PRKAR1B: variants seen among roughly 807,000 people sequenced by gnomAD.
The protein encoded by PRKAR1B is cAMP-dependent protein kinase type I-beta regulatory subunit.
Under a neutral mutation model 46.5 loss-of-function variants are expected in PRKAR1B, and 22 were observed. The ratio of observed to expected loss-of-function variants is 0.47; its 90% CI spans 0.34 to 0.68. PRKAR1B has a LOEUF of 0.68. Among genes scored for constraint, PRKAR1B ranks in the 30% least tolerant of loss-of-function variants. The probability of loss-of-function intolerance (pLI) is 0.01; values close to 1 mark genes in which losing one functional copy is unlikely to be tolerated. For synonymous variants in PRKAR1B, 259 were observed against 217.7 expected (o/e 1.19, Z -1.67); for missense variants, 445 against 535.6 (o/e 0.83, Z 1.67).
At chr7:625,089 A>G (rs888071481) in intron 4 of PRKAR1B, among the ~76,000 whole-genome samples, 2 of 152,272 alleles carry the variant, frequency 1.3e-5, no homozygotes, top group Admixed American at 1.3e-4. Context: ...GAATTAAACT[A>G]GAAGTCAGTA....
intron 2 of PRKAR1B, among the ~76,000 whole-genome samples, chr7:692,949 TC>T (rs201065172): frequency 1.2e-4 from 18 of 151,434 alleles, no homozygotes; most frequent in Non-Finnish European, 1.6e-4. Flanking sequence ...TTTTTTTTTT[TC>T]TTGAGATGGA....
At chr7:719,916 T>C (rs2128534454) in intron 1 of PRKAR1B, among the ~76,000 whole-genome samples, 1 of 152,328 alleles carries the variant, frequency 6.6e-6, no homozygotes, top group African/African-American at 2.4e-5. Context: ...TTTTAGAGGT[T>C]CGTCCAAGTT....
At chr7:701,214 A>G (rs1274091547) in intron 2 of PRKAR1B, among the ~76,000 whole-genome samples, 3 of 149,968 alleles carry the variant, frequency 2.0e-5, no homozygotes, top group African/African-American at 7.4e-5. Context: ...GGAAGGAAGG[A>G]GAGAAGGAGG....
rs551588034 is a variant in PRKAR1B, at chr7:598,695, G to C, written c.550-2391C>G. 2.0e-5 allele frequency among the ~76,000 whole-genome samples: 3 copies of C among 152,336 alleles called. No individual in the cohort carries two copies. The South Asian group carries it at 6.2e-4, about 32-fold the overall frequency. ...TCTGCACTTCTGTTCCGATGCAGGGGCCTCTTGCTGAGCCACGAAAGCAGT... is the reference window on the plus strand; with the variant it reads ...TCTGCACTTCTGTTCCGATGCAGGGCCCTCTTGCTGAGCCACGAAAGCAGT... On this transcript the variant is annotated intron_variant, in intron 6 of 10. Transcript: ENST00000537384.
At chr7:627,499 G>A (rs1002478240) in intron 4 of PRKAR1B, among the ~76,000 whole-genome samples, 7 of 152,274 alleles carry the variant, frequency 4.6e-5, no homozygotes, top group African/African-American at 9.6e-5. Flanking sequence ...AGCCAGGTGC[G>A]GACCCAGGCG....
rs1780814664 is a variant in PRKAR1B at position 714,750 on chromosome 7, T to C, written c.-22-3223A>G. Among the ~76,000 whole-genome samples the C allele has an allele frequency of 6.6e-6, 1 of 152,252 alleles. No individual in the cohort carries two copies. Among genetic ancestry groups the C allele is most frequent in the Non-Finnish European group, 1.5e-5 (1 of 68,050 alleles). ...AAGGACAGACGCTTCCTTAGTGTCC[T>C]GCTCACTGTCTGATCATTGCCAGAG... On this transcript the variant is annotated intron_variant, in intron 1 of 10. Coordinates refer to ENST00000537384, the MANE Select transcript of PRKAR1B (RefSeq NM_001164760.2). The surrounding 1 kb of genome is among the most constrained non-coding windows in gnomAD (Gnocchi z 4.3).
At chr7:613,164 G>A (rs765134542) in intron 4 of PRKAR1B, among the ~76,000 whole-genome samples, 11 of 150,934 alleles carry the variant, frequency 7.3e-5, no homozygotes, top group East Asian at 1.9e-4. Flanking sequence ...GCTATGCACC[G>A]TAAGGCTAAT....
chr7:699,741 G>C (rs1226746428), intron 2 of PRKAR1B, among the ~76,000 whole-genome samples: 1 of 152,182 alleles, frequency 6.6e-6, no homozygotes, highest in Non-Finnish European at 1.5e-5. Flanking sequence ...GGAGCCCGTG[G>C]GTGGCCATGG....
intron 6 of PRKAR1B, among the ~76,000 whole-genome samples, chr7:599,814 C>T (rs576635559): frequency 7.1e-6 from 1 of 141,244 alleles, no homozygotes; most frequent in East Asian, 2.1e-4. Context: ...CTCGCTCACC[C>T]TCTGTGTTTA....
intron 9 of PRKAR1B, among the ~76,000 whole-genome samples, chr7:568,729 C>A (rs1282264661): frequency 2.0e-5 from 3 of 152,144 alleles, no homozygotes; most frequent in African/African-American, 7.2e-5. Flanking sequence ...ATGTTCCCAG[C>A]CAAAACATCC....
At chr7:633,599 A>G (rs1353886067) in intron 4 of PRKAR1B, among the ~76,000 whole-genome samples, 1 of 152,162 alleles carries the variant, frequency 6.6e-6, no homozygotes, top group African/African-American at 2.4e-5. Context: ...CCCCATCTCT[A>G]CAAAAAATTT....
Position 556,596 on chromosome 7 carries a change from G to A in PRKAR1B, c.892-5126C>T, listed in dbSNP as rs142782069. On this transcript the variant is annotated intron_variant, in intron 9 of 10. Transcript: ENST00000537384. ...GCAGGGGCCCCACCCGTGAGGCAAA[G>A]GGGTCGGTCCCCGAGGCGTCCGCGT... Among the ~76,000 whole-genome samples, 2,205 of 152,328 alleles carry A rather than the reference G, an allele frequency of 0.014. 91 individuals are homozygous for A. The East Asian group carries it at 0.18, about 12-fold the overall frequency.
chr7:583,382 T>TATACTCACCCCCACACGTGTGC (rs1780321734), intron 8 of PRKAR1B, among the ~76,000 whole-genome samples: 1 of 68,876 alleles, frequency 1.5e-5, no homozygotes. Flanking sequence ...CTCACACATG[T>TATACTCACCCCCACACGTGTGC]GCACACTCAC....
At chr7:554,793 C>T (rs1216682036) in intron 9 of PRKAR1B, among the ~76,000 whole-genome samples, 4 of 150,910 alleles carry the variant, frequency 2.7e-5, no homozygotes, top group South Asian at 2.1e-4. Flanking sequence ...CCCACAGAGC[C>T]GGAAGACAGG....
At chr7:679,138 G>A (rs577377622) in intron 3 of PRKAR1B, among the ~76,000 whole-genome samples, 2 of 152,302 alleles carry the variant, frequency 1.3e-5, no homozygotes, top group East Asian at 3.9e-4. Context: ...TATTTACAGA[G>A]AAATTGCAAA....
In PRKAR1B at chr7:550,443, G is replaced by A. The variant is rs765864817; in HGVS notation, c.1133C>T (p.Ser378Phe). Reference protein sequence around the residue: ...RNIQRYNSFISLTV With the variant: ...RNIQRYNSFIFLTV ...CGGGAGCTGTGCTCAGACGGTGAGG[G>A]AGATGAAGCTGTTGTAACGCTGAAT... The change falls in exon 11 of 11, where the codon TCC (serine) becomes TTC (phenylalanine). Residue 378 changes from serine (S) to phenylalanine (F), a missense_variant. By Grantham distance (155) the Ser-to-Phe change is radical. This residue lies in a region of PRKAR1B where 127 missense variants were observed against 138.0 expected (regional missense o/e 0.92). Transcript: ENST00000537384. 6.3e-7 allele frequency: 1 copy of A among 1,592,156 alleles called. No homozygotes were observed. The highest frequency in any genetic ancestry group is 8.5e-7 in the Non-Finnish European group (1 of 1,169,862).
At chr7:725,612 AGAT>A (rs944139144) in intron 1 of PRKAR1B, among the ~76,000 whole-genome samples, 7 of 152,252 alleles carry the variant, frequency 4.6e-5, no homozygotes, top group African/African-American at 1.4e-4. Flanking sequence ...TTTGAAACAA[AGAT>A]GATAACAGCC....
chr7:681,901 C>T (rs906064305), intron 2 of PRKAR1B, among the ~76,000 whole-genome samples: 14 of 152,226 alleles, frequency 9.2e-5, no homozygotes, highest in African/African-American at 3.4e-4. Context: ...AGCCTAAACA[C>T]TGACCTCCAC....
chr7:662,411 C>T (rs1785645413), intron 4 of PRKAR1B, among the ~76,000 whole-genome samples: 1 of 126,408 alleles, frequency 7.9e-6, no homozygotes, highest in Admixed American at 7.5e-5. Flanking sequence ...AGGTCCCCAT[C>T]CCAACGGGTC....
Sources: allele counts gnomAD v4.1 joint callset (sites outside exome capture counted in the v4.1 genomes callset), GRCh38; gene constraint gnomAD v4.1.1; regional missense constraint gnomAD v4.1.1; non-coding constraint Gnocchi (gnomAD v3.1); transcripts MANE v1.5; gene names NCBI Gene and HGNC (gene_info 2026-07-23, HGNC 2026-07-21).